The following PAX7 variants were observed in gnomAD, a reference collection of about 807,000 sequenced individuals.
The protein encoded by PAX7 is paired box protein Pax-7.
PAX7 carries 18 observed loss-of-function variants against 50.7 expected under a neutral mutation model. The observed-to-expected ratio is 0.36, with a 90% CI of 0.25 to 0.53. The LOEUF (loss-of-function observed/expected upper bound fraction) is 0.53, where lower values mean the gene tolerates loss of function less well. Among genes scored for constraint, PAX7 ranks in the 20% least tolerant of loss-of-function variants. The pLI is 0.93. For synonymous variants in PAX7, 310 were observed against 290.4 expected (o/e 1.07, Z -0.69); for missense variants, 644 against 702.9 (o/e 0.92, Z 0.95).
chr1:18,715,932 C>T lies in PAX7; in HGVS notation c.1155+12636C>T, dbSNP rs559193602. Among the ~76,000 whole-genome samples the T allele has an allele frequency of 2.0e-5, 3 of 152,238 alleles. No individual in the cohort carries two copies. The South Asian group carries it at 6.2e-4, about 32-fold the overall frequency. On this transcript the variant is annotated intron_variant, in intron 7 of 8. Coordinates refer to ENST00000420770, the MANE Select transcript of PAX7 (RefSeq NM_001135254.2). Reference sequence around the variant, plus strand: ...CTCAACACCTTTGCAGCTGTCTCTTCCACACTCATTTCCCATCTTCTTTCC... The same window carrying T: ...CTCAACACCTTTGCAGCTGTCTCTTTCACACTCATTTCCCATCTTCTTTCC...
At chr1:18,682,781 G>A (rs111826794) in intron 4 of PAX7, among the ~76,000 whole-genome samples, 1,592 of 152,310 alleles carry the variant, frequency 0.01, 28 homozygotes, top group African/African-American at 0.035. Context: ...GCCTGGGAAG[G>A]GGAGAGAGGA....
intron 4 of PAX7, among the ~76,000 whole-genome samples, chr1:18,647,493 G>A (rs1053985077): frequency 6.6e-6 from 1 of 151,630 alleles, no homozygotes; most frequent in Non-Finnish European, 1.5e-5. Context: ...GGGCGGGGTG[G>A]GGGGGGAGAG....
chr1:18,670,922 C>A (rs765083838), intron 4 of PAX7, among the ~76,000 whole-genome samples: 1 of 152,158 alleles, frequency 6.6e-6, no homozygotes, highest in African/African-American at 2.4e-5. Context: ...CCTGATGGGA[C>A]CAATAAAGGC....
At chr1:18,637,312 A>T (rs536510996) in intron 4 of PAX7, among the ~76,000 whole-genome samples, 1 of 152,030 alleles carries the variant, frequency 6.6e-6, no homozygotes, top group East Asian at 1.9e-4. Context: ...TCTCTTTGAG[A>T]CTTGGTAAGT....
chr1:18,633,183 A>C (rs1425312891), intron 1 of PAX7, among the ~76,000 whole-genome samples: 1 of 152,180 alleles, frequency 6.6e-6, no homozygotes, highest in East Asian at 1.9e-4. Context: ...AGGGGGCGGT[A>C]GGAACGGCCC....
intron 7 of PAX7, among the ~76,000 whole-genome samples, chr1:18,712,467 T>C (rs150649440): frequency 6.6e-5 from 10 of 151,938 alleles, no homozygotes; most frequent in African/African-American, 2.4e-4. Context: ...TTTTCCTGGG[T>C]GGAGGGAAAT....
intron 7 of PAX7, among the ~76,000 whole-genome samples, chr1:18,720,843 G>T (rs2089484285): frequency 6.6e-6 from 1 of 152,010 alleles, no homozygotes; most frequent in Admixed American, 6.5e-5. Flanking sequence ...GAGAGGAAGA[G>T]ACACAGGGAG....
chr1:18,729,267 G>A (rs2089616074), intron 7 of PAX7, among the ~76,000 whole-genome samples: 1 of 152,222 alleles, frequency 6.6e-6, no homozygotes, highest in Admixed American at 6.5e-5. Context: ...GTGGACCTGA[G>A]GCTTGGAGAT....
In PAX7 at chr1:18,744,879, C is replaced by A. The variant is rs774554234; in HGVS notation, c.1468C>A (p.His490Asn). 8 of 1,557,640 alleles carry A rather than the reference C, an allele frequency of 5.1e-6. No homozygotes were observed. The African/African-American group carries it at 1.1e-4, about 21-fold the overall frequency. ...CCAGCGTCGCATGAAGCTCGGGGAG[C>A]ACTCTGCTGTGCTGGGACTCCTGCC... ...STQRRMKLGE[H>N]SAVLGLLPVE... The change falls in exon 9 of 9, where the codon CAC (histidine) becomes AAC (asparagine). Residue 490 changes from histidine (H) to asparagine (N), a missense_variant. His to Asn is a moderately conservative substitution (Grantham distance 68, BLOSUM62 1). Transcript: ENST00000420770.
intron 8 of PAX7, among the ~76,000 whole-genome samples, chr1:18,736,421 C>T (rs576000205): frequency 1.3e-4 from 19 of 148,096 alleles, no homozygotes; most frequent in Non-Finnish European, 2.4e-4. Context: ...GCCGAGATCA[C>T]GCCACTGTAC....
chr1:18,721,569 T>C (rs535317514), intron 7 of PAX7, among the ~76,000 whole-genome samples: 2 of 152,364 alleles, frequency 1.3e-5, no homozygotes, highest in African/African-American at 4.8e-5. Context: ...GCAATAGTCC[T>C]GCTGCTGTGC....
chr1:18,666,997 C>T (rs2088678781), intron 4 of PAX7, among the ~76,000 whole-genome samples: 1 of 152,092 alleles, frequency 6.6e-6, no homozygotes, highest in African/African-American at 2.4e-5. Flanking sequence ...TGAGAAGGGT[C>T]CCTGAGACGC....
Position 18,722,081 on chromosome 1 carries a change from A to C in PAX7, c.1156-13551A>C, listed in dbSNP as rs1464978021. 3.3e-5 allele frequency among the ~76,000 whole-genome samples: 5 copies of C among 152,212 alleles called. No homozygotes were observed. The East Asian group carries it at 7.7e-4, about 23-fold the overall frequency. On this transcript the variant is annotated intron_variant, in intron 7 of 8. Coordinates refer to ENST00000420770, the MANE Select transcript of PAX7 (RefSeq NM_001135254.2). ...GCTTCCCAGGGCTGTTGTGAGGAGTAAATGGGTTAACTCACTGAAATGCTT... is the reference window on the plus strand; with the variant it reads ...GCTTCCCAGGGCTGTTGTGAGGAGTCAATGGGTTAACTCACTGAAATGCTT...
At chr1:18,631,825 G>C in intron 1 of PAX7, 137 bp downstream of exon 1, 1 of 730,576 alleles carries the variant, frequency 1.4e-6, no homozygotes. Flanking sequence ...GTCCCAGTCC[G>C]GGCGCGGAAC....
intron 1 of PAX7, among the ~76,000 whole-genome samples, chr1:18,633,275 C>A (rs1218409492): frequency 1.3e-5 from 2 of 152,198 alleles, no homozygotes; most frequent in African/African-American, 4.8e-5. Flanking sequence ...TCGTTCTAAT[C>A]TTCCAGATCT....
At chr1:18,736,552 C>T (rs1930663686) in intron 8 of PAX7, among the ~76,000 whole-genome samples, 1 of 151,464 alleles carries the variant, frequency 6.6e-6, no homozygotes, top group Admixed American at 6.6e-5. Context: ...AAAAGATTAT[C>T]ATTTCAAAAT....
intron 4 of PAX7, among the ~76,000 whole-genome samples, chr1:18,666,020 A>T (rs736401): frequency 0.092 from 14,069 of 152,180 alleles, 780 homozygotes; most frequent in Admixed American, 0.13. Flanking sequence ...TGTAGAAAAA[A>T]GAAAGAGGCT....
intron 4 of PAX7, among the ~76,000 whole-genome samples, chr1:18,680,495 T>C (rs78291611): frequency 0.031 from 4,652 of 152,272 alleles, 242 homozygotes; most frequent in African/African-American, 0.1. Context: ...TCCTCCTTTC[T>C]GTCTCCCATC....
Position 18,666,361 on chromosome 1 carries a change from G to A in PAX7, c.587-25393G>A, listed in dbSNP as rs185030672. On this transcript the variant is annotated intron_variant, in intron 4 of 8. Transcript: ENST00000420770. ...GTGGCCTGGCTGTGGTCTAGGGGAG[G>A]CCCCGAACTTGCTGTGATCTGTGGG... Among the ~76,000 whole-genome samples the A allele has an allele frequency of 3.8e-4, 58 of 152,322 alleles. No homozygotes were observed. In the East Asian group the frequency reaches 0.01, roughly 27 times the overall value.
Sources: gnomAD v4.1 joint callset for allele counts (sites outside exome capture counted in the v4.1 genomes callset) on GRCh38, gnomAD v4.1.1 for gene constraint, MANE v1.5 for transcripts, NCBI Gene and HGNC (gene_info 2026-07-23, HGNC 2026-07-21) for gene names.